The following PRKCA variants were observed in gnomAD, a reference collection of about 807,000 sequenced individuals.
The protein encoded by PRKCA is protein kinase C alpha, also known as protein kinase C alpha type.
In PRKCA, 27 loss-of-function variants were observed where a neutral mutation model predicts 87.0. The ratio of observed to expected loss-of-function variants is 0.31; its 90% CI spans 0.23 to 0.43. PRKCA has a LOEUF of 0.43. Ranked by LOEUF, PRKCA falls within the 20% of genes least tolerant of loss-of-function variation. PRKCA has a pLI of 1.00. For missense variants in PRKCA, 518 were observed against 852.3 expected, an observed-to-expected ratio of 0.61 and a Z score of 4.88; for synonymous variants, 329 against 311.1, an observed-to-expected ratio of 1.06 and a Z score of -0.61.
intron 13 of PRKCA, among the ~76,000 whole-genome samples, chr17:66,766,986 T>A (rs1434721571): frequency 6.6e-6 from 1 of 152,142 alleles, no homozygotes; most frequent in Non-Finnish European, 1.5e-5. Flanking sequence ...CAATAAATCA[T>A]CTTAATCCTC....
At chr17:66,305,150 C>T (rs544838759) in intron 1 of PRKCA, among the ~76,000 whole-genome samples, 16 of 151,364 alleles carry the variant, frequency 1.1e-4, no homozygotes, top group Admixed American at 2.6e-4. Flanking sequence ...AAACCATCCA[C>T]GGGGATTGTC....
At chr17:66,641,595 C>T (rs1007250113) in intron 4 of PRKCA, 129 bp downstream of exon 4, 1 of 511,544 alleles carries the variant, frequency 2.0e-6, no homozygotes, top group Non-Finnish European at 3.4e-6. Context: ...CAGATATCTA[C>T]CAGACTGACA....
chr17:66,335,789 T>C (rs62072563), intron 2 of PRKCA, among the ~76,000 whole-genome samples: 25,202 of 152,196 alleles, frequency 0.17, 2,636 homozygotes, highest in Non-Finnish European at 0.24. Flanking sequence ...CGAGGAATAC[T>C]ATGATGAATA....
intron 2 of PRKCA, among the ~76,000 whole-genome samples, chr17:66,467,617 G>C (rs1915141485): frequency 6.6e-6 from 1 of 152,154 alleles, no homozygotes; most frequent in Non-Finnish European, 1.5e-5. Context: ...GAGTGCAGTG[G>C]CACCATCTTG....
intron 16 of PRKCA, among the ~76,000 whole-genome samples, chr17:66,797,282 T>C (rs1176207407): frequency 6.6e-6 from 1 of 152,206 alleles, no homozygotes; most frequent in Non-Finnish European, 1.5e-5. Context: ...AATCCCAGAT[T>C]CCACCCAGAG....
At chr17:66,376,799 T>A (rs1909445507) in intron 2 of PRKCA, among the ~76,000 whole-genome samples, 1 of 152,008 alleles carries the variant, frequency 6.6e-6, no homozygotes, top group Non-Finnish European at 1.5e-5. Context: ...GGGGTCCCCA[T>A]GTAAGTCCTT....
chr17:66,758,602 G>A (rs930310976), intron 13 of PRKCA, among the ~76,000 whole-genome samples: 6 of 152,192 alleles, frequency 3.9e-5, no homozygotes, highest in African/African-American at 1.4e-4. Flanking sequence ...GCCAAGGCCA[G>A]CAAGAAGCTC....
Position 66,694,333 on chromosome 17 carries a change from T to C in PRKCA, c.918+5286T>C, listed in dbSNP as rs146978141. On this transcript the variant is annotated intron_variant, in intron 8 of 16. Coordinates refer to ENST00000413366, the MANE Select transcript of PRKCA (RefSeq NM_002737.3). Reference sequence around the variant, plus strand: ...CTGTCTCTACCAAAAATACAAAAAATTAGCCGGGCATAGTGGCGGGCGCCT... The same window carrying C: ...CTGTCTCTACCAAAAATACAAAAAACTAGCCGGGCATAGTGGCGGGCGCCT... Among the ~76,000 whole-genome samples, 725 of 151,798 alleles carry C rather than the reference T, an allele frequency of 4.8e-3. 11 individuals are homozygous for C. The highest frequency in any genetic ancestry group is 0.017 in the African/African-American group (699 of 41,378).
chr17:66,715,698 C>T (rs776327645), intron 8 of PRKCA, among the ~76,000 whole-genome samples: 5 of 152,208 alleles, frequency 3.3e-5, no homozygotes, highest in African/African-American at 4.8e-5. Context: ...CTGGCACTTA[C>T]GTGAGTGATT....
intron 5 of PRKCA, chr17:66,676,769 G>A (rs974655082): frequency 1.3e-5 from 2 of 152,360 alleles, no homozygotes; most frequent in Non-Finnish European, 1.5e-5. Flanking sequence ...AGAAGCAAGC[G>A]TAAGGTGCAC....
intron 3 of PRKCA, among the ~76,000 whole-genome samples, chr17:66,603,508 G>A (rs993155191): frequency 6.6e-6 from 1 of 152,142 alleles, no homozygotes; most frequent in Non-Finnish European, 1.5e-5. Flanking sequence ...GCGAGCACTC[G>A]GAGATGCTTC....
chr17:66,587,748 T>G (rs1443718457), intron 3 of PRKCA, among the ~76,000 whole-genome samples: 1 of 101,346 alleles, frequency 9.9e-6, no homozygotes, highest in Non-Finnish European at 2.1e-5. Flanking sequence ...CGTATATGTG[T>G]GTATATGTAT....
intron 13 of PRKCA, among the ~76,000 whole-genome samples, chr17:66,754,154 A>G (rs1364044466): frequency 6.6e-6 from 1 of 152,120 alleles, no homozygotes; most frequent in Non-Finnish European, 1.5e-5. Flanking sequence ...GTTAGGGCCA[A>G]GTAGATTATG....
chr17:66,453,979 C>G (rs1598686009), intron 2 of PRKCA, among the ~76,000 whole-genome samples: 1 of 152,176 alleles, frequency 6.6e-6, no homozygotes, highest in East Asian at 1.9e-4. Flanking sequence ...TGTTATCATG[C>G]TAAACTGTCA....
At chr17:66,785,754 G>A (rs549463084) in intron 14 of PRKCA, among the ~76,000 whole-genome samples, 3 of 152,320 alleles carry the variant, frequency 2.0e-5, no homozygotes, top group South Asian at 4.1e-4. Context: ...GCCTTCATTC[G>A]GCGCTTATTG....
At chr17:66,760,478 T>C (rs1177109710) in intron 13 of PRKCA, among the ~76,000 whole-genome samples, 1 of 152,178 alleles carries the variant, frequency 6.6e-6, no homozygotes, top group East Asian at 1.9e-4. Flanking sequence ...CCACCTAAGC[T>C]TCCATCTTAG....
At chr17:66,729,780 C>CTTTATT (rs1973841313) in intron 8 of PRKCA, among the ~76,000 whole-genome samples, 4 of 105,104 alleles carry the variant, frequency 3.8e-5, no homozygotes, top group Non-Finnish European at 7.0e-5. Flanking sequence ...GCGAGTTATT[C>CTTTATT]TTTTTTTTTT....
rs146132254 is a variant in PRKCA, at chr17:66,338,099, A to T, written c.205+31972A>T. 4.2e-4 allele frequency among the ~76,000 whole-genome samples: 59 copies of T among 139,036 alleles called. 2 individuals are homozygous for T. Among genetic ancestry groups the T allele is most frequent in the African/African-American group, 1.7e-3 (54 of 32,718 alleles). The allele number at this position is 139,036 out of a possible 152,430, so 91.2% of individuals were successfully genotyped here. A position where few individuals can be genotyped will look rare whatever the true frequency, so the allele number is the denominator to read the frequency against. Reference sequence around the variant, plus strand: ...TGAATTCCTCTAGCGGTTCTTGCTGAATGATTTCCTAAGGCATTTTGAAAA... The same window carrying T: ...TGAATTCCTCTAGCGGTTCTTGCTGTATGATTTCCTAAGGCATTTTGAAAA... On this transcript the variant is annotated intron_variant, in intron 2 of 16. Coordinates refer to ENST00000413366, the MANE Select transcript of PRKCA (RefSeq NM_002737.3).
chr17:66,707,493 G>A (rs767157811), intron 8 of PRKCA, among the ~76,000 whole-genome samples: 15 of 152,164 alleles, frequency 9.9e-5, no homozygotes, highest in Non-Finnish European at 1.9e-4. Context: ...TTAGAGCCAC[G>A]AGAACCTCCC....
Sources: allele counts gnomAD v4.1 joint callset (sites outside exome capture counted in the v4.1 genomes callset), GRCh38; gene constraint gnomAD v4.1.1; transcripts MANE v1.5; gene names NCBI Gene and HGNC (gene_info 2026-07-23, HGNC 2026-07-21).